The following CACNA2D3 variants were observed in gnomAD, a reference collection of about 807,000 sequenced individuals.
CACNA2D3 encodes the protein calcium voltage-gated channel auxiliary subunit alpha2delta 3.
In CACNA2D3, 60 loss-of-function variants were observed where a neutral mutation model predicts 160.6. The observed-to-expected ratio is 0.37, with a 90% CI of 0.30 to 0.46. The LOEUF (loss-of-function observed/expected upper bound fraction) is 0.46. Ranked by LOEUF, CACNA2D3 falls within the 20% of genes least tolerant of loss-of-function variation. The pLI, the probability that CACNA2D3 is intolerant of heterozygous loss-of-function variation, is 1.00. For missense variants in CACNA2D3, 1,205 were observed against 1,365.0 expected, an observed-to-expected ratio of 0.88 and a Z score of 1.85; for synonymous variants, 558 against 492.9, an observed-to-expected ratio of 1.13 and a Z score of -1.75.
chr3:54,923,051 C>A (rs1164552669), intron 27 of CACNA2D3, among the ~76,000 whole-genome samples: 1 of 152,158 alleles, frequency 6.6e-6, no homozygotes, highest in Non-Finnish European at 1.5e-5. Flanking sequence ...TGACTGAAAT[C>A]ATCTTCTCCC....
intron 11 of CACNA2D3, among the ~76,000 whole-genome samples, chr3:54,729,311 G>T (rs985507427): frequency 6.6e-6 from 1 of 152,128 alleles, no homozygotes; most frequent in African/African-American, 2.4e-5. Flanking sequence ...TTCAGTATAG[G>T]ATCTGGTGGC....
chr3:54,694,311 G>A (rs2106937472), intron 11 of CACNA2D3, among the ~76,000 whole-genome samples: 1 of 152,328 alleles, frequency 6.6e-6, no homozygotes, highest in South Asian at 2.1e-4. Context: ...GCCTTGGTGT[G>A]TAGTAGGCTA....
chr3:54,476,915 G>A (rs1338312436), intron 4 of CACNA2D3, among the ~76,000 whole-genome samples: 1 of 152,152 alleles, frequency 6.6e-6, no homozygotes, highest in Non-Finnish European at 1.5e-5. Flanking sequence ...GATCCAAGTG[G>A]TTAGTGTGAT....
chr3:54,186,185 T>C (rs1224283041), intron 2 of CACNA2D3, among the ~76,000 whole-genome samples: 2 of 152,246 alleles, frequency 1.3e-5, no homozygotes, highest in Admixed American at 6.5e-5. Context: ...AGACACTCAC[T>C]GTGAGCTTGG....
At chr3:54,208,718 A>G (rs1382061949) in intron 2 of CACNA2D3, among the ~76,000 whole-genome samples, 1 of 150,022 alleles carries the variant, frequency 6.7e-6, no homozygotes, top group Non-Finnish European at 1.5e-5. Flanking sequence ...GTTTTAGAGC[A>G]TCACTGTGTA....
At chr3:54,178,685 C>T (rs142159050) in intron 2 of CACNA2D3, among the ~76,000 whole-genome samples, 4 of 152,182 alleles carry the variant, frequency 2.6e-5, no homozygotes, top group East Asian at 1.9e-4. Flanking sequence ...GGTCAGATGC[C>T]GACTAATTGA....
chr3:54,709,476 T>A (rs1311907239), intron 11 of CACNA2D3, among the ~76,000 whole-genome samples: 1 of 152,030 alleles, frequency 6.6e-6, no homozygotes, highest in East Asian at 1.9e-4. Flanking sequence ...ATCCTCCCAC[T>A]CAGCCTCCCG....
intron 29 of CACNA2D3, among the ~76,000 whole-genome samples, chr3:54,976,177 C>G (rs1040049377): frequency 3.3e-5 from 5 of 151,780 alleles, no homozygotes; most frequent in Non-Finnish European, 2.9e-5. Context: ...GTCCTGCTGT[C>G]TTTTAGAAAG....
chr3:54,750,571 C>T (rs1470250867), intron 11 of CACNA2D3, among the ~76,000 whole-genome samples: 2 of 152,068 alleles, frequency 1.3e-5, no homozygotes, highest in East Asian at 3.9e-4. Context: ...CCAGTGCTAT[C>T]CTGAGGTCTT....
At chr3:54,751,574 T>C (rs1211221589) in intron 11 of CACNA2D3, among the ~76,000 whole-genome samples, 3 of 152,152 alleles carry the variant, frequency 2.0e-5, no homozygotes, top group Non-Finnish European at 4.4e-5. Flanking sequence ...CTGGATACTC[T>C]AGTGGAGCAG....
chr3:54,307,946 C>G (rs1449360144), intron 2 of CACNA2D3, among the ~76,000 whole-genome samples: 1 of 152,210 alleles, frequency 6.6e-6, no homozygotes, highest in East Asian at 1.9e-4. Flanking sequence ...GACAAAAGGT[C>G]TAAGAATTGT....
chr3:54,375,325 G>A (rs1397293005), intron 3 of CACNA2D3, among the ~76,000 whole-genome samples: 3 of 152,170 alleles, frequency 2.0e-5, no homozygotes, highest in African/African-American at 7.2e-5. Context: ...GATGAACACA[G>A]TGCCTGGCAC....
chr3:54,828,971 ATTTCTTATTCTTG>A (rs751611089), intron 14 of CACNA2D3, among the ~76,000 whole-genome samples: 3 of 152,378 alleles, frequency 2.0e-5, no homozygotes, highest in Non-Finnish European at 2.9e-5. Flanking sequence ...AGGTTTACTT[ATTTCTTATTCTTG>A]TTTCTTATTC....
At chr3:55,006,633 G>C (rs770130212) in intron 32 of CACNA2D3, among the ~76,000 whole-genome samples, 47 of 152,184 alleles carry the variant, frequency 3.1e-4, no homozygotes, top group Non-Finnish European at 5.9e-4. Flanking sequence ...GGAAGCACTC[G>C]GTTGAACCAG....
At chr3:54,284,698 T>G (rs1702965910) in intron 2 of CACNA2D3, among the ~76,000 whole-genome samples, 1 of 152,196 alleles carries the variant, frequency 6.6e-6, no homozygotes, top group Admixed American at 6.5e-5. Context: ...CAGTACTTCT[T>G]AATAAAAATA....
chr3:54,637,531 C>G (rs1022877135), intron 10 of CACNA2D3, among the ~76,000 whole-genome samples: 5 of 151,808 alleles, frequency 3.3e-5, no homozygotes, highest in African/African-American at 1.2e-4. Context: ...TAAGTTGGCA[C>G]CAGAGTTGGG....
At chr3:54,521,444 T>TC (rs1410502410) in intron 5 of CACNA2D3, among the ~76,000 whole-genome samples, 2 of 92,122 alleles carry the variant, frequency 2.2e-5, no homozygotes, top group African/African-American at 7.6e-5. Flanking sequence ...CAGATACAAG[T>TC]CCCTTATCAA....
chr3:55,025,010 C>T (rs1703535497), intron 35 of CACNA2D3, among the ~76,000 whole-genome samples: 1 of 152,178 alleles, frequency 6.6e-6, no homozygotes, highest in Admixed American at 6.5e-5. Flanking sequence ...GTCATCATAA[C>T]TACAAACTCT....
At chr3:54,834,088 C>G (rs924290961) in intron 14 of CACNA2D3, among the ~76,000 whole-genome samples, 2 of 152,138 alleles carry the variant, frequency 1.3e-5, no homozygotes, top group Admixed American at 1.3e-4. Context: ...GAATTAGCTC[C>G]TGAGTGAAGT....
Sources: allele counts gnomAD v4.1 joint callset (sites outside exome capture counted in the v4.1 genomes callset), GRCh38; gene constraint gnomAD v4.1.1; transcripts MANE v1.5; gene names NCBI Gene and HGNC (gene_info 2026-07-23, HGNC 2026-07-21).